The following POU6F2 variants were observed in gnomAD, a reference collection of about 807,000 sequenced individuals.
POU6F2 encodes the protein POU class 6 homeobox 2.
POU6F2 carries 31 observed loss-of-function variants against 71.3 expected under a neutral mutation model. That is an observed-to-expected ratio of 0.43 (90% CI 0.33 to 0.59). The LOEUF is 0.59. Among genes scored for constraint, POU6F2 ranks in the 20% least tolerant of loss-of-function variants. The probability of loss-of-function intolerance (pLI) is 0.04; values close to 1 mark genes in which losing one functional copy is unlikely to be tolerated. For missense variants in POU6F2, 783 were observed against 856.8 expected (o/e 0.91, Z 1.07); for synonymous variants, 347 against 355.7 (o/e 0.98, Z 0.27).
At chr7:39,242,828 A>G (rs1783751837) in intron 4 of POU6F2, among the ~76,000 whole-genome samples, 1 of 152,178 alleles carries the variant, frequency 6.6e-6, no homozygotes, top group African/African-American at 2.4e-5. Context: ...AGTCACAGGT[A>G]TGAAGTAACT....
At chr7:39,083,724 C>A (rs572299899) in intron 1 of POU6F2, 1 of 152,022 alleles carries the variant, frequency 6.6e-6, no homozygotes, top group African/African-American at 2.4e-5. Context: ...GTGAATCGAC[C>A]GCATTGATTA....
intron 4 of POU6F2, among the ~76,000 whole-genome samples, chr7:39,333,205 C>T (rs1785694107): frequency 6.6e-6 from 1 of 152,158 alleles, no homozygotes; most frequent in African/African-American, 2.4e-5. Context: ...TTTATCTTTC[C>T]TATTTAATGA....
At chr7:39,174,024 C>T (rs897744605) in intron 2 of POU6F2, among the ~76,000 whole-genome samples, 1 of 152,214 alleles carries the variant, frequency 6.6e-6, no homozygotes, top group Non-Finnish European at 1.5e-5. Flanking sequence ...AGCCAGAAAA[C>T]TTGCTTCTCA....
intron 5 of POU6F2, among the ~76,000 whole-genome samples, chr7:39,381,564 ACTT>A (rs1786829987): frequency 1.3e-5 from 2 of 151,930 alleles, no homozygotes; most frequent in Admixed American, 6.6e-5. Context: ...ATTTTTAAAA[ACTT>A]CTTTTTCCAC....
At chr7:39,312,128 G>GATCCAACATAAT (rs1384654698) in intron 4 of POU6F2, among the ~76,000 whole-genome samples, 1 of 151,868 alleles carries the variant, frequency 6.6e-6, no homozygotes, top group Non-Finnish European at 1.5e-5. Flanking sequence ...AGACATTGGT[G>GATCCAACATAAT]ATCCAACATA....
chr7:39,111,067 TA>T (rs568265739), intron 2 of POU6F2, among the ~76,000 whole-genome samples: 222 of 152,348 alleles, frequency 1.5e-3, no homozygotes, highest in African/African-American at 5.2e-3. Flanking sequence ...CAATTTTTGA[TA>T]AATGTGTATA....
At chr7:39,366,796 G>C in intron 5 of POU6F2, among the ~76,000 whole-genome samples, 1 of 152,136 alleles carries the variant, frequency 6.6e-6, no homozygotes, top group Non-Finnish European at 1.5e-5. Flanking sequence ...TCAGGAGTTG[G>C]GGAGGCAGGG....
At position 39,399,210 on chromosome 7, in the gene POU6F2, C is replaced by T. The variant is rs1178341284; in HGVS notation, c.973-7390C>T. Reference sequence around the variant, plus strand: ...CTGGCCAGCTTATTTTTTCCTACTTCCCTTCTCTTCCCACCCAAATTTTTT... The same window carrying T: ...CTGGCCAGCTTATTTTTTCCTACTTTCCTTCTCTTCCCACCCAAATTTTTT... On this transcript the variant is annotated intron_variant, in intron 5 of 9. Transcript: ENST00000518318. 3.3e-5 allele frequency among the ~76,000 whole-genome samples: 5 copies of T among 152,168 alleles called. No homozygotes were observed. The East Asian group carries it at 9.6e-4, about 29-fold the overall frequency.
chr7:39,394,261 T>A (rs1340417152), intron 5 of POU6F2, among the ~76,000 whole-genome samples: 1 of 152,232 alleles, frequency 6.6e-6, no homozygotes, highest in Non-Finnish European at 1.5e-5. Flanking sequence ...TTAAAGATGA[T>A]GCCTTTGGTT....
At chr7:39,030,543 T>TATATATATATATACAC (rs1491146903) in intron 1 of POU6F2, among the ~76,000 whole-genome samples, 1 of 88,018 alleles carries the variant, frequency 1.1e-5, no homozygotes, top group African/African-American at 3.9e-5. Context: ...TATATATATA[T>TATATATATATATACAC]ACACACACAT....
Position 39,124,048 on chromosome 7 carries a change from C to CTTT in POU6F2, c.277+38031_277+38033dup, listed in dbSNP as rs367553456. Among the ~76,000 whole-genome samples, 572 of 130,142 alleles carry CTTT rather than the reference C, an allele frequency of 4.4e-3. 17 individuals are homozygous for CTTT. Among genetic ancestry groups the CTTT allele is most frequent in the South Asian group, 6.1e-3 (25 of 4,096 alleles). The allele number at this position is 130,142 out of a possible 152,430, so 85.4% of individuals were successfully genotyped here. On this transcript the variant is annotated intron_variant, in intron 2 of 9. Coordinates refer to ENST00000518318, the MANE Select transcript of POU6F2 (RefSeq NM_001370959.1). ...TACTTTCCTCATCCATAGACTGGGCCTTTTTTTTTTTTTTTTGAGACAGAG... is the reference window on the plus strand; with the variant it reads ...TACTTTCCTCATCCATAGACTGGGCCTTTTTTTTTTTTTTTTTTTGAGACAGAG...
At chr7:39,027,932 G>T (rs1181052279) in intron 1 of POU6F2, among the ~76,000 whole-genome samples, 1 of 152,052 alleles carries the variant, frequency 6.6e-6, no homozygotes, top group South Asian at 2.1e-4. Flanking sequence ...TATTTCAGAT[G>T]CATATACCAA....
intron 2 of POU6F2, among the ~76,000 whole-genome samples, chr7:39,111,198 C>T (rs1258981437): frequency 6.6e-6 from 1 of 152,014 alleles, no homozygotes; most frequent in Non-Finnish European, 1.5e-5. Context: ...ACTTTGGTTC[C>T]AACATATCAG....
At chr7:39,149,320 T>G (rs188935575) in intron 2 of POU6F2, among the ~76,000 whole-genome samples, 1 of 152,360 alleles carries the variant, frequency 6.6e-6, no homozygotes, top group East Asian at 1.9e-4. Flanking sequence ...GGGAATATTA[T>G]GGCAAAATCT....
intron 6 of POU6F2, among the ~76,000 whole-genome samples, chr7:39,406,999 A>G (rs1787448012): frequency 6.6e-6 from 1 of 152,162 alleles, no homozygotes; most frequent in South Asian, 2.1e-4. Context: ...ATGACCTTAT[A>G]TGAAGAAGTT....
intron 2 of POU6F2, among the ~76,000 whole-genome samples, chr7:39,146,180 G>A (rs1464067096): frequency 6.6e-6 from 1 of 152,204 alleles, no homozygotes; most frequent in Non-Finnish European, 1.5e-5. Flanking sequence ...GGAGGCATAT[G>A]ATTAACTTTC....
chr7:39,009,063 G>A (rs1256090625), intron 1 of POU6F2, among the ~76,000 whole-genome samples: 2 of 152,102 alleles, frequency 1.3e-5, no homozygotes, highest in Admixed American at 1.3e-4. Context: ...AGTGAAGAAA[G>A]TCATTGGTAG....
intron 2 of POU6F2, among the ~76,000 whole-genome samples, chr7:39,131,331 C>T (rs1048786209): frequency 1.3e-5 from 2 of 152,148 alleles, no homozygotes; most frequent in Non-Finnish European, 2.9e-5. Flanking sequence ...TTTACATTAC[C>T]ATTGCATAAT....
At chr7:39,420,900 T>C (rs1029887605) in intron 6 of POU6F2, among the ~76,000 whole-genome samples, 1 of 152,166 alleles carries the variant, frequency 6.6e-6, no homozygotes, top group African/African-American at 2.4e-5. Flanking sequence ...AACAGGACAG[T>C]CAGAAAATCA....
Sources: gnomAD v4.1 joint callset for allele counts (sites outside exome capture counted in the v4.1 genomes callset) on GRCh38, gnomAD v4.1.1 for gene constraint, MANE v1.5 for transcripts, NCBI Gene and HGNC (gene_info 2026-07-23, HGNC 2026-07-21) for gene names.